The following NEDD1 variants were observed in gnomAD, a reference collection of about 807,000 sequenced individuals.
NEDD1 encodes the protein protein NEDD1.
A neutral mutation model predicts 74.0 loss-of-function variants in NEDD1; 33 were observed. That is an observed-to-expected ratio of 0.45 (90% CI 0.34 to 0.60). The LOEUF (loss-of-function observed/expected upper bound fraction) is 0.60. Among genes scored for constraint, NEDD1 ranks in the 20% least tolerant of loss-of-function variants. The pLI, the probability that NEDD1 is intolerant of heterozygous loss-of-function variation, is 0.01. For synonymous variants in NEDD1, 250 were observed against 264.4 expected (o/e 0.95, Z 0.53); for missense variants, 746 against 776.5 (o/e 0.96, Z 0.47).
intron 9 of NEDD1, among the ~76,000 whole-genome samples, chr12:96,938,668 T>G (rs1877366591): frequency 6.6e-6 from 1 of 152,086 alleles, no homozygotes; most frequent in South Asian, 2.1e-4. Context: ...AATGTTTGTG[T>G]ATTAATTGTA....
chr12:96,943,362 G>A (rs578024413), intron 11 of NEDD1, among the ~76,000 whole-genome samples, 198 bp from the exon 12 acceptor site: 4 of 152,160 alleles, frequency 2.6e-5, no homozygotes, highest in African/African-American at 9.6e-5. Flanking sequence ...TTTGTAGATC[G>A]GGAAATAGTC....
At chr12:96,923,788 T>TTGTGTGTGTGTGTGTGTGTGTG (rs10528785) in intron 6 of NEDD1, among the ~76,000 whole-genome samples, 6 of 142,358 alleles carry the variant, frequency 4.2e-5, no homozygotes, top group East Asian at 2.1e-4. Context: ...TAATACCTGT[T>TTGTGTGTGTGTGTGTGTGTGTG]TGTGTGTGTG....
chr12:96,910,776 A>G (rs984436479), intron 3 of NEDD1, among the ~76,000 whole-genome samples: 2 of 152,176 alleles, frequency 1.3e-5, no homozygotes, highest in South Asian at 4.1e-4. Context: ...TTTATGTGAA[A>G]ATGTTTTATG....
intron 10 of NEDD1, among the ~76,000 whole-genome samples, chr12:96,941,898 T>C (rs1877697366): frequency 6.6e-6 from 1 of 152,152 alleles, no homozygotes; most frequent in Non-Finnish European, 1.5e-5. Flanking sequence ...ACTGGGAACA[T>C]ATACACACAT....
Position 96,935,047 on chromosome 12 carries a change from A to G in NEDD1, c.561A>G (p.Val187=). The change falls in exon 7 of 16, where the codon GTA becomes GTG. Residue 187 remains valine, a synonymous_variant. Coordinates refer to ENST00000266742, the MANE Select transcript of NEDD1 (RefSeq NM_152905.4). ...GCAGTGTTTCGGATAATGGAATAGT[A>G]ACTCTCTGGGATGTAAATAGTCAGA... ...LLGSVSDNGI[V]TLWDVNSQSP... is the part of the protein sequence containing the mutation. 3.1e-6 allele frequency: 5 copies of G among 1,612,364 alleles called. No homozygotes were observed. Among genetic ancestry groups the G allele is most frequent in the Non-Finnish European group, 4.2e-6 (5 of 1,178,368 alleles).
chr12:96,909,904 T>TA lies in NEDD1; in HGVS notation c.136+21dup, dbSNP rs34499067. ...ATGTTGGAGCAGCAATAGTATCCTT[T>TA]AAAAAAAAAAAACACACACACACAC... On this transcript the variant is annotated intron_variant, in intron 3 of 15. Transcript: ENST00000266742. The TA allele has an allele frequency of 0.015, 20,675 of 1,335,948 alleles. 30 individuals are homozygous for TA. The highest frequency in any genetic ancestry group is 0.05 in the African/African-American group (3,149 of 63,232). 82.8% of individuals were successfully genotyped at this position (1,335,948 alleles called of 1,614,324 possible).
At chr12:96,947,628 G>A (rs1878321358) in intron 14 of NEDD1, among the ~76,000 whole-genome samples, 1 of 152,162 alleles carries the variant, frequency 6.6e-6, no homozygotes, top group Non-Finnish European at 1.5e-5. Context: ...AGGACAGTGG[G>A]CTCAGGGCCT....
chr12:96,921,004 T>C (rs950955846), intron 6 of NEDD1, among the ~76,000 whole-genome samples: 3 of 152,186 alleles, frequency 2.0e-5, no homozygotes, highest in African/African-American at 2.4e-5. Context: ...AACAGTCTTA[T>C]GGTGATTCAG....
At chr12:96,907,379 C>A in intron 1 of NEDD1, 79 bp downstream of exon 1, 2 of 459,590 alleles carry the variant, frequency 4.4e-6, no homozygotes, top group Non-Finnish European at 3.8e-6. Flanking sequence ...AGACCCGCTC[C>A]GTCCCCCTCA....
intron 14 of NEDD1, among the ~76,000 whole-genome samples, chr12:96,946,839 G>C (rs1878247213): frequency 6.6e-6 from 1 of 152,188 alleles, no homozygotes; most frequent in South Asian, 2.1e-4. Flanking sequence ...GAACACAGCT[G>C]AATGCAGCAA....
intron 13 of NEDD1, 123 bp downstream of exon 13, chr12:96,944,918 GT>G: frequency 1.5e-6 from 1 of 670,178 alleles, no homozygotes; most frequent in Non-Finnish European, 2.4e-6. Flanking sequence ...TTTAAAGTTT[GT>G]GGACACTTCT....
chr12:96,927,166 T>A (rs1006921349), intron 6 of NEDD1, among the ~76,000 whole-genome samples: 1 of 152,180 alleles, frequency 6.6e-6, no homozygotes, highest in African/African-American at 2.4e-5. Context: ...ATGATTAAAT[T>A]AAAAATTTTT....
At chr12:96,927,538 C>T (rs913100401) in intron 6 of NEDD1, among the ~76,000 whole-genome samples, 1 of 152,142 alleles carries the variant, frequency 6.6e-6, no homozygotes, top group Non-Finnish European at 1.5e-5. Flanking sequence ...CAAGCTGCAG[C>T]CTTTTCCAAA....
chr12:96,913,111 G>A (rs574954214), intron 4 of NEDD1, among the ~76,000 whole-genome samples: 178 of 152,164 alleles, frequency 1.2e-3, no homozygotes, highest in Admixed American at 2.0e-3. Flanking sequence ...TGCTATTTTA[G>A]GACGATATCC....
At chr12:96,930,049 C>T (rs1435595311) in intron 6 of NEDD1, among the ~76,000 whole-genome samples, 1 of 151,984 alleles carries the variant, frequency 6.6e-6, no homozygotes, top group Non-Finnish European at 1.5e-5. Context: ...TGTTTGACCT[C>T]TCAGCATGTG....
rs563304351 is a variant in NEDD1, at chr12:96,948,524, C to G, written c.1811+2675C>G. On this transcript the variant is annotated intron_variant, in intron 14 of 15. Coordinates refer to ENST00000266742, the MANE Select transcript of NEDD1 (RefSeq NM_152905.4). ...TTTAGATTTCTTTCCATTCTCAGCTCTCGGTTGAATTTAAAATAATATGAT... is the reference window on the plus strand; with the variant it reads ...TTTAGATTTCTTTCCATTCTCAGCTGTCGGTTGAATTTAAAATAATATGAT... Among the ~76,000 whole-genome samples the G allele has an allele frequency of 8.1e-4, 123 of 152,082 alleles. 1 individual carries two copies. The highest frequency in any genetic ancestry group is 9.2e-4 in the Admixed American group (14 of 15,282).
intron 5 of NEDD1, 23 bp from the exon 6 acceptor site, chr12:96,919,958 GTACT>G (rs766962902): frequency 1.9e-6 from 3 of 1,562,768 alleles, no homozygotes; most frequent in South Asian, 2.3e-5. Context: ...ATGGGGCAGT[GTACT>G]TACTTTCATT....
chr12:96,907,783 A>G lies in NEDD1; in HGVS notation c.-82A>G. 6.6e-7 allele frequency: 1 copy of G among 1,509,508 alleles called. No individual in the cohort carries two copies. Among genetic ancestry groups the G allele is most frequent in the Non-Finnish European group, 8.9e-7 (1 of 1,126,852 alleles). The allele number at this position is 1,509,508 out of a possible 1,614,324, so 93.5% of individuals were successfully genotyped here. ...GTTACCGCCTTGTGTCCTGACTGCT[A>G]GCTTTCGACGGGACCGTCTTTGAGG... is the stretch of plus-strand genomic sequence containing the variant. On this transcript the variant is annotated 5_prime_UTR_variant, in exon 2 of 16. Transcript: ENST00000266742.
rs1180483823 is a variant in NEDD1 at position 96,942,440 on chromosome 12, T to G, written c.1247-137T>G. The G allele has an allele frequency of 1.7e-5, 11 of 633,192 alleles. No homozygotes were observed. The East Asian group carries it at 2.6e-4, about 15-fold the overall frequency. The allele number at this position is 633,192 out of a possible 1,614,324, so 39.2% of individuals were successfully genotyped here. A position where few individuals can be genotyped will look rare whatever the true frequency, so the allele number is the denominator to read the frequency against. The stretch of plus-strand genomic sequence containing the variant: ...AAAAGAGAAATTTAAATCAGTATTC[T>G]CCTACCTTTAACATCACTCATATTT... On this transcript the variant is annotated intron_variant, in intron 10 of 15. Coordinates refer to ENST00000266742, the MANE Select transcript of NEDD1 (RefSeq NM_152905.4).
Sources: gnomAD v4.1 joint callset for allele counts (sites outside exome capture counted in the v4.1 genomes callset) on GRCh38, gnomAD v4.1.1 for gene constraint, MANE v1.5 for transcripts, NCBI Gene and HGNC (gene_info 2026-07-23, HGNC 2026-07-21) for gene names.